LRRC55: variants seen among roughly 807,000 people sequenced by gnomAD.
The protein encoded by LRRC55 is leucine-rich repeat-containing protein 55.
Under a neutral mutation model 20.5 loss-of-function variants are expected in LRRC55, and 11 were observed. The ratio of observed to expected loss-of-function variants is 0.54; its 90% CI spans 0.34 to 0.89. LRRC55 has a LOEUF of 0.89. LRRC55 is among the 40% of genes least tolerant of loss of function. The probability of loss-of-function intolerance (pLI) is 0.02; values close to 1 mark genes in which losing one functional copy is unlikely to be tolerated. For synonymous variants in LRRC55, 188 were observed against 166.6 expected (o/e 1.13, Z -0.99); for missense variants, 358 against 390.9 (o/e 0.92, Z 0.71).
intron 1 of LRRC55, among the ~76,000 whole-genome samples, chr11:57,185,586 G>T (rs1021006616): frequency 6.6e-6 from 1 of 151,852 alleles, no homozygotes; most frequent in Non-Finnish European, 1.5e-5. Context: ...TGTCTGGCTG[G>T]GTTATCCCCT....
chr11:57,186,315 T>C (rs1234341487), intron 1 of LRRC55, among the ~76,000 whole-genome samples: 1 of 152,210 alleles, frequency 6.6e-6, no homozygotes, highest in Non-Finnish European at 1.5e-5. Flanking sequence ...TTGTAAAGAT[T>C]CGTCAAGCAC....
chr11:57,185,270 C>CTTTTTTTTTTTTTTTTTTTT (rs58800728), intron 1 of LRRC55, among the ~76,000 whole-genome samples: 5 of 89,410 alleles, frequency 5.6e-5, no homozygotes, highest in Non-Finnish European at 6.0e-5. Flanking sequence ...CTTTTCTTTT[C>CTTTTTTTTTTTTTTTTTTTT]TTTTTTTTTT....
rs1190014554 is a variant in LRRC55 at position 57,191,130 on chromosome 11, A to T, written c.*3650A>T. ...CAGTTATCTCTGGTCACCCTCAGAC[A>T]AACCCTCGTCTCTTTTTCTCCCTTC... On this transcript the variant is annotated 3_prime_UTR_variant, in exon 2 of 2. Coordinates refer to ENST00000497933, the MANE Select transcript of LRRC55 (RefSeq NM_001005210.4). The T allele has an allele frequency of 6.6e-6, 1 of 152,204 alleles. No homozygotes were observed. Among genetic ancestry groups the T allele is most frequent in the African/African-American group, 2.4e-5 (1 of 41,454 alleles). 9.4% of individuals were successfully genotyped at this position (152,204 alleles called of 1,614,324 possible).
chr11:57,187,388 T>C lies in LRRC55; in HGVS notation c.805T>C (p.Ser269Pro). ...CATTGCGTTCGTGGGCTTCGTGGTC[T>C]CCATTGCTTCTGTGGCCACCAACTT... ...LFIAFVGFVV[S>P]IASVATNFLL... Residue 269 changes from serine to proline, a missense_variant, in exon 2 of 2, where the codon TCC (serine) becomes CCC (proline). By Grantham distance (74) the Ser-to-Pro change is moderately conservative. This residue lies in a region of LRRC55 where 178 missense variants were observed against 207.9 expected (regional missense o/e 0.86). Coordinates refer to ENST00000497933, the MANE Select transcript of LRRC55 (RefSeq NM_001005210.4). 6.2e-7 allele frequency: 1 copy of C among 1,614,218 alleles called. No homozygotes were observed. Among genetic ancestry groups the C allele is most frequent in the Non-Finnish European group, 8.5e-7 (1 of 1,180,038 alleles).
In LRRC55 at chr11:57,187,645, C is replaced by A; in HGVS notation, c.*165C>A. 2 of 691,726 alleles carry A rather than the reference C, an allele frequency of 2.9e-6. No homozygotes were observed. The highest frequency in any genetic ancestry group is 2.5e-6 in the Non-Finnish European group (1 of 399,356). The allele number at this position is 691,726 out of a possible 1,614,324, so 42.8% of individuals were successfully genotyped here. ...GTATGAGCATCTGCTTTGGGCCAGGCGGCACGCTAGGAATTGGGAACATCA... is the reference window on the plus strand; with the variant it reads ...GTATGAGCATCTGCTTTGGGCCAGGAGGCACGCTAGGAATTGGGAACATCA... On this transcript the variant is annotated 3_prime_UTR_variant, in exon 2 of 2. Transcript: ENST00000497933.
At position 57,187,497 on chromosome 11, in the gene LRRC55, C is replaced by T; in HGVS notation, c.*17C>T. The T allele has an allele frequency of 1.9e-6, 3 of 1,606,946 alleles. No homozygotes were observed. Among genetic ancestry groups the T allele is most frequent in the East Asian group, 2.2e-5 (1 of 44,806 alleles). On this transcript the variant is annotated 3_prime_UTR_variant, in exon 2 of 2. Transcript: ENST00000497933. The stretch of plus-strand genomic sequence containing the variant: ...GAGATCTGACATGCCTGCCTCTCAT[C>T]CCTCCATGCTGCTGACCGCCACAGC...
chr11:57,184,542 CCA>C (rs937864070), intron 1 of LRRC55, among the ~76,000 whole-genome samples: 4 of 152,228 alleles, frequency 2.6e-5, no homozygotes, highest in African/African-American at 9.6e-5. Flanking sequence ...TAACACCAGG[CCA>C]CACGCACCAG....
rs143027441 is a variant in LRRC55 at position 57,182,671 on chromosome 11, C to A, written c.649C>A (p.Arg217Ser). The A allele has an allele frequency of 8.6e-6, 13 of 1,510,494 alleles. No homozygotes were observed. The highest frequency in any genetic ancestry group is 2.3e-5 in the East Asian group (1 of 43,876). The allele number at this position is 1,510,494 out of a possible 1,614,324, so 93.6% of individuals were successfully genotyped here. The stretch of plus-strand genomic sequence containing the variant: ...GAAGTGGCTGCGAAACCGGATCCAG[C>A]GCTGTACAGCAGGTAATAGAGGGGC... ...LLKWLRNRIQ[R>S]CTADSQLAEC... Residue 217 changes from arginine (R) to serine (S), a missense_variant, in exon 1 of 2, where the codon CGC (arginine) becomes AGC (serine). By Grantham distance (110) the Arg-to-Ser change is moderately radical. Coordinates refer to ENST00000497933, the MANE Select transcript of LRRC55 (RefSeq NM_001005210.4).
At chr11:57,182,810 C>CACCGAGA in intron 1 of LRRC55, 127 bp downstream of exon 1, 1 of 979,848 alleles carries the variant, frequency 1.0e-6, no homozygotes, top group South Asian at 3.1e-5. Flanking sequence ...GTGGGCTTGC[C>CACCGAGA]TCTTTGTACA....
At chr11:57,184,389 A>G (rs112248149) in intron 1 of LRRC55, among the ~76,000 whole-genome samples, 4 of 152,176 alleles carry the variant, frequency 2.6e-5, no homozygotes, top group Non-Finnish European at 5.9e-5. Context: ...CCAAGATTTC[A>G]TCAGTGTAGG....
At position 57,187,277 on chromosome 11, in the gene LRRC55, G is replaced by A; in HGVS notation, c.694G>A (p.Glu232Lys). 3.7e-6 allele frequency: 6 copies of A among 1,613,970 alleles called. No individual in the cohort carries two copies. Among genetic ancestry groups the A allele is most frequent in the Non-Finnish European group, 5.1e-6 (6 of 1,180,002 alleles). ...GCTGGCTGAGTGCCGGGGCCCTCCT[G>A]AAGTCGAGGGCGCCCCGCTCTTCTC... Reference protein sequence around the residue: ...SQLAECRGPPEVEGAPLFSLT... With the variant: ...SQLAECRGPPKVEGAPLFSLT... The change falls in exon 2 of 2, where the codon GAA (glutamate) becomes AAA (lysine). Residue 232 changes from glutamate (E) to lysine (K), a missense_variant. Glu to Lys is a moderately conservative substitution (Grantham distance 56). Transcript: ENST00000497933.
At position 57,183,730 on chromosome 11, in the gene LRRC55, G is replaced by A. The variant is rs139480216; in HGVS notation, c.661+1047G>A. Among the ~76,000 whole-genome samples, 810 of 152,318 alleles carry A rather than the reference G, an allele frequency of 5.3e-3. 6 individuals are homozygous for A. Among genetic ancestry groups the A allele is most frequent in the African/African-American group, 0.018 (747 of 41,566 alleles). ...GTGTAAACTTTGGGCACAGGGTAGG[G>A]AGCTGAAAGGAAGACTGAGATGCGG... On this transcript the variant is annotated intron_variant, in intron 1 of 1. Coordinates refer to ENST00000497933, the MANE Select transcript of LRRC55 (RefSeq NM_001005210.4).
At chr11:57,184,834 T>A (rs1854408271) in intron 1 of LRRC55, among the ~76,000 whole-genome samples, 1 of 152,210 alleles carries the variant, frequency 6.6e-6, no homozygotes, top group Non-Finnish European at 1.5e-5. Context: ...CAGGGGCTCC[T>A]CTGGCTGGTC....
chr11:57,182,738 G>A (rs573332471), intron 1 of LRRC55, 55 bp downstream of exon 1: 6 of 1,405,150 alleles, frequency 4.3e-6, no homozygotes, highest in South Asian at 2.1e-5. Context: ...TCAATGGGAA[G>A]CAAAGGCTCC....
At position 57,190,021 on chromosome 11, in the gene LRRC55, G is replaced by A. The variant is rs986778266; in HGVS notation, c.*2541G>A. 1 of 152,178 alleles carries A rather than the reference G, an allele frequency of 6.6e-6. No individual in the cohort carries two copies. Among genetic ancestry groups the A allele is most frequent in the African/African-American group, 2.4e-5 (1 of 41,436 alleles). 9.4% of individuals were successfully genotyped at this position (152,178 alleles called of 1,614,324 possible). Reference sequence around the variant, plus strand: ...GCTCTCTCCTTCTGTGATGACCAAGGATGGTGAACTCAAGTTGTTCTCTAC... The same window carrying A: ...GCTCTCTCCTTCTGTGATGACCAAGAATGGTGAACTCAAGTTGTTCTCTAC... On this transcript the variant is annotated 3_prime_UTR_variant, in exon 2 of 2. Transcript: ENST00000497933.
rs756201565 is a variant in LRRC55, at chr11:57,182,106, G to A, written c.84G>A (p.Gly28=). The A allele has an allele frequency of 1.2e-6, 2 of 1,614,168 alleles. No homozygotes were observed. The highest frequency in any genetic ancestry group is 1.7e-6 in the Non-Finnish European group (2 of 1,180,020). Residue 28 remains glycine, a synonymous_variant, in exon 1 of 2, where the codon GGG becomes GGA. Coordinates refer to ENST00000497933, the MANE Select transcript of LRRC55 (RefSeq NM_001005210.4). ...MLLISLLLAA[G]LMHSDAGTSC... ...TGATCTCCCTCCTCTTGGCAGCCGG[G>A]TTGATGCACTCGGATGCCGGCACCA...
Position 57,182,163 on chromosome 11 carries a change from G to C in LRRC55, c.141G>C (p.Gln47His). Residue 47 changes from glutamine to histidine, a missense_variant, in exon 1 of 2, where the codon CAG (glutamine) becomes CAC (histidine). Physicochemically the swap from Gln to His is conservative, Grantham distance 24 (BLOSUM62 0). Transcript: ENST00000497933. ...CCGTCCTTTGCACATGCCGTAACCAGGTGGTGGATTGTAGCAGCCAGCGGC... is the reference window on the plus strand; with the variant it reads ...CCGTCCTTTGCACATGCCGTAACCACGTGGTGGATTGTAGCAGCCAGCGGC... ...SCPVLCTCRN[Q>H]VVDCSSQRLF... The C allele has an allele frequency of 6.2e-7, 1 of 1,614,186 alleles. No individual in the cohort carries two copies. Among genetic ancestry groups the C allele is most frequent in the South Asian group, 1.1e-5 (1 of 91,086 alleles).
rs2156460 is a variant in LRRC55, at chr11:57,188,712, C to T, written c.*1232C>T. 0.044 allele frequency: 6,649 copies of T among 152,282 alleles called. 181 individuals are homozygous for T. The highest frequency in any genetic ancestry group is 0.067 in the Admixed American group (1,018 of 15,300). 9.4% of individuals were successfully genotyped at this position (152,282 alleles called of 1,614,324 possible). A position where few individuals can be genotyped will look rare whatever the true frequency, so the allele number is the denominator to read the frequency against. On this transcript the variant is annotated 3_prime_UTR_variant, in exon 2 of 2. Coordinates refer to ENST00000497933, the MANE Select transcript of LRRC55 (RefSeq NM_001005210.4). The stretch of plus-strand genomic sequence containing the variant: ...TCTGTGCTCTTTCTACTGCCCCATC[C>T]AAGTTGGGGAACATCACCATTCCCT...
intron 1 of LRRC55, among the ~76,000 whole-genome samples, chr11:57,184,967 G>A (rs1296875186): frequency 6.6e-6 from 1 of 152,180 alleles, no homozygotes; most frequent in Non-Finnish European, 1.5e-5. Context: ...GTCAAGCCCA[G>A]AGAGGATCCT....
Sources: gnomAD v4.1 joint callset for allele counts (sites outside exome capture counted in the v4.1 genomes callset) on GRCh38, gnomAD v4.1.1 for gene constraint, gnomAD v4.1.1 regional missense constraint, MANE v1.5 for transcripts, NCBI Gene and HGNC (gene_info 2026-07-23, HGNC 2026-07-21) for gene names.